Variants in NELL1 observed in about 807,000 individuals in gnomAD.
The protein encoded by NELL1 is protein kinase C-binding protein NELL1.
In NELL1, 76 loss-of-function variants were observed where a neutral mutation model predicts 107.4. The observed-to-expected ratio is 0.71, with a 90% CI of 0.59 to 0.86. NELL1 has a LOEUF of 0.86. Ranked by LOEUF, NELL1 falls within the 40% of genes least tolerant of loss-of-function variation. The pLI is 0.00. For synonymous variants in NELL1, 353 were observed against 341.2 expected (o/e 1.03, Z -0.38); for missense variants, 1,024 against 1,005.5 (o/e 1.02, Z -0.25).
At chr11:20,692,273 G>GTA (rs1854488602) in intron 2 of NELL1, among the ~76,000 whole-genome samples, 3 of 134,374 alleles carry the variant, frequency 2.2e-5, no homozygotes, top group African/African-American at 2.9e-5. Flanking sequence ...GTTTTTTTTT[G>GTA]TCTCTATTTC....
chr11:21,064,378 C>T (rs776865432), intron 12 of NELL1, among the ~76,000 whole-genome samples: 2 of 151,916 alleles, frequency 1.3e-5, no homozygotes, highest in East Asian at 1.9e-4. Context: ...TTTCCAGGAG[C>T]GAGATGATAG....
intron 15 of NELL1, among the ~76,000 whole-genome samples, chr11:21,393,325 G>A (rs1443301022): frequency 1.3e-5 from 2 of 151,300 alleles, no homozygotes; most frequent in Non-Finnish European, 3.0e-5. Context: ...AAAGACCAGG[G>A]GGTCAAAAGC....
chr11:20,723,354 G>T (rs111794502), intron 2 of NELL1, among the ~76,000 whole-genome samples: 327 of 152,268 alleles, frequency 2.1e-3, no homozygotes, highest in African/African-American at 7.6e-3. Context: ...ATACAGTAGG[G>T]GTGCAGGCAT....
chr11:20,927,435 C>T lies in NELL1; in HGVS notation c.887C>T (p.Thr296Ile). 2 of 1,608,492 alleles carry T rather than the reference C, an allele frequency of 1.2e-6. No individual in the cohort carries two copies. The highest frequency in any genetic ancestry group is 2.2e-5 in the East Asian group (1 of 44,784). The change falls in exon 8 of 20, where the codon ACT (threonine) becomes ATT (isoleucine). Residue 296 changes from threonine (T) to isoleucine (I), a missense_variant. Physicochemically the swap from Thr to Ile is moderately conservative, Grantham distance 89 (BLOSUM62 -1). Coordinates refer to ENST00000357134, the MANE Select transcript of NELL1 (RefSeq NM_006157.5). ...WVDGDHCRNCTCKSGAVECRR... is the reference protein window; with the variant it reads ...WVDGDHCRNCICKSGAVECRR... Reference sequence around the variant, plus strand: ...GATGGTGACCATTGCAGGAACTGCACTTGCAAAGTAAGCCTCTTTGTAAAT... The same window carrying T: ...GATGGTGACCATTGCAGGAACTGCATTTGCAAAGTAAGCCTCTTTGTAAAT...
At chr11:20,829,383 C>A (rs1857956044) in intron 3 of NELL1, among the ~76,000 whole-genome samples, 1 of 152,030 alleles carries the variant, frequency 6.6e-6, no homozygotes, top group Non-Finnish European at 1.5e-5. Flanking sequence ...CCCGCCACCA[C>A]ACCTGGCTAA....
intron 13 of NELL1, among the ~76,000 whole-genome samples, chr11:21,160,737 A>G (rs1856346334): frequency 6.6e-6 from 1 of 152,192 alleles, no homozygotes; most frequent in South Asian, 2.1e-4. Flanking sequence ...ACCTAGGCTA[A>G]TAATGTGTTT....
intron 12 of NELL1, among the ~76,000 whole-genome samples, chr11:21,023,839 T>G (rs1475879348): frequency 6.6e-6 from 1 of 152,134 alleles, no homozygotes; most frequent in Non-Finnish European, 1.5e-5. Flanking sequence ...AATGCATATG[T>G]CTTTTGGCTC....
intron 4 of NELL1, among the ~76,000 whole-genome samples, chr11:20,859,857 T>TC (rs1047280015): frequency 6.6e-6 from 1 of 152,184 alleles, no homozygotes; most frequent in African/African-American, 2.4e-5. Context: ...TGGCAATTTT[T>TC]CATGGACATT....
Position 21,224,727 on chromosome 11 carries a change from T to C in NELL1, c.1427-4605T>C, listed in dbSNP as rs190433840. Among the ~76,000 whole-genome samples the C allele has an allele frequency of 2.6e-5, 4 of 152,358 alleles. No individual in the cohort carries two copies. The East Asian group carries it at 7.7e-4, about 29-fold the overall frequency. On this transcript the variant is annotated intron_variant, in intron 13 of 19. Transcript: ENST00000357134. ...AGTTTAGAAATTATTCTGCTTGAACTAGCCTATTATTGACATTCTCAATTA... is the reference window on the plus strand; with the variant it reads ...AGTTTAGAAATTATTCTGCTTGAACCAGCCTATTATTGACATTCTCAATTA...
chr11:21,299,876 A>T (rs1305996482), intron 14 of NELL1, among the ~76,000 whole-genome samples: 1 of 152,010 alleles, frequency 6.6e-6, no homozygotes, highest in Admixed American at 6.6e-5. Context: ...AACTATACAA[A>T]AATATGAGCC....
chr11:21,549,656 C>G (rs1200614801), intron 16 of NELL1, among the ~76,000 whole-genome samples: 1 of 151,756 alleles, frequency 6.6e-6, no homozygotes, highest in East Asian at 2.0e-4. Flanking sequence ...GTAATTTATC[C>G]TAATAAGCTG....
intron 13 of NELL1, among the ~76,000 whole-genome samples, chr11:21,213,160 C>CG (rs1464859442): frequency 6.6e-6 from 1 of 151,672 alleles, no homozygotes; most frequent in African/African-American, 2.4e-5. Context: ...AGTTAAAAGT[C>CG]TAACAAAACA....
rs539600126 is a variant in NELL1, at chr11:20,917,100, A to G, written c.604-1082A>G. On this transcript the variant is annotated intron_variant, in intron 5 of 19. Coordinates refer to ENST00000357134, the MANE Select transcript of NELL1 (RefSeq NM_006157.5). ...ATCCCAGAGAGAAGTTAATTCATTTAGATTGTGCTCCATTAATTGCTCCCT... is the reference window on the plus strand; with the variant it reads ...ATCCCAGAGAGAAGTTAATTCATTTGGATTGTGCTCCATTAATTGCTCCCT... 5.7e-3 allele frequency among the ~76,000 whole-genome samples: 861 copies of G among 152,124 alleles called. 12 individuals carry two copies. The highest frequency in any genetic ancestry group is 0.02 in the African/African-American group (841 of 41,546).
chr11:20,957,384 G>A (rs1851197260), intron 11 of NELL1, among the ~76,000 whole-genome samples: 1 of 152,204 alleles, frequency 6.6e-6, no homozygotes, highest in Non-Finnish European at 1.5e-5. Flanking sequence ...ATCTTGGGTT[G>A]ATAGTTCCCT....
chr11:21,269,612 A>T (rs1848701710), intron 14 of NELL1, among the ~76,000 whole-genome samples: 1 of 152,124 alleles, frequency 6.6e-6, no homozygotes, highest in Admixed American at 6.6e-5. Flanking sequence ...AAAGTAGAGG[A>T]GACATAAAGC....
intron 14 of NELL1, among the ~76,000 whole-genome samples, chr11:21,277,985 A>T (rs762861225): frequency 6.6e-6 from 1 of 152,186 alleles, no homozygotes; most frequent in Non-Finnish European, 1.5e-5. Flanking sequence ...CCAACATGGC[A>T]CATGTATGCA....
intron 12 of NELL1, among the ~76,000 whole-genome samples, chr11:21,081,026 T>A (rs193241067): frequency 3.3e-5 from 5 of 152,226 alleles, no homozygotes; most frequent in Admixed American, 6.5e-5. Flanking sequence ...CCATATGACC[T>A]TTCAAGTCAT....
rs114710814 is a variant in NELL1 at position 20,695,758 on chromosome 11, T to C, written c.184+17698T>C. Among the ~76,000 whole-genome samples the C allele has an allele frequency of 3.7e-3, 567 of 152,106 alleles. 3 individuals carry two copies. The highest frequency in any genetic ancestry group is 0.013 in the African/African-American group (533 of 41,548). ...GTTTTAGTTTTTCATTGTGTCTTTG[T>C]TTTTTGATAACAGGGTGATGCTGGC... is the stretch of plus-strand genomic sequence containing the variant. On this transcript the variant is annotated intron_variant, in intron 2 of 19. Transcript: ENST00000357134.
At chr11:20,745,145 G>A (rs528844553) in intron 2 of NELL1, among the ~76,000 whole-genome samples, 3 of 152,156 alleles carry the variant, frequency 2.0e-5, no homozygotes, top group African/African-American at 4.8e-5. Flanking sequence ...AATTTTGAAC[G>A]ACAGGATGTT....
Sources: gnomAD v4.1 joint callset for allele counts (sites outside exome capture counted in the v4.1 genomes callset) on GRCh38, gnomAD v4.1.1 for gene constraint, MANE v1.5 for transcripts, NCBI Gene and HGNC (gene_info 2026-07-23, HGNC 2026-07-21) for gene names.